Variants in PDSS2 observed in about 807,000 individuals in gnomAD.
PDSS2 encodes the protein decaprenyl diphosphate synthase subunit 2.
Under a neutral mutation model 44.5 loss-of-function variants are expected in PDSS2, and 31 were observed. The ratio of observed to expected loss-of-function variants is 0.70; its 90% CI spans 0.52 to 0.94. The LOEUF (loss-of-function observed/expected upper bound fraction) is 0.94. Ranked by LOEUF, PDSS2 falls within the 40% of genes least tolerant of loss-of-function variation. The pLI, the probability that PDSS2 is intolerant of heterozygous loss-of-function variation, is 0.00. For synonymous variants in PDSS2, 157 were observed against 180.3 expected (o/e 0.87, Z 1.03); for missense variants, 452 against 482.2 (o/e 0.94, Z 0.59).
intron 1 of PDSS2, among the ~76,000 whole-genome samples, chr6:107,365,235 A>G (rs1778927530): frequency 6.6e-6 from 1 of 152,190 alleles, no homozygotes; most frequent in South Asian, 2.1e-4. Flanking sequence ...AACACAAATG[A>G]AAAATAGAGA....
At chr6:107,358,241 C>G (rs910119750) in intron 1 of PDSS2, among the ~76,000 whole-genome samples, 5 of 152,046 alleles carry the variant, frequency 3.3e-5, no homozygotes, top group African/African-American at 1.2e-4. Flanking sequence ...GTCACATTCC[C>G]AAGATATCTC....
At chr6:107,402,212 A>G (rs1316168331) in intron 1 of PDSS2, among the ~76,000 whole-genome samples, 1 of 151,510 alleles carries the variant, frequency 6.6e-6, no homozygotes, top group African/African-American at 2.4e-5. Context: ...CTCAGGAGGC[A>G]GAGGTTGCAG....
At chr6:107,298,451 T>C (rs1776582828) in intron 2 of PDSS2, among the ~76,000 whole-genome samples, 1 of 152,190 alleles carries the variant, frequency 6.6e-6, no homozygotes, top group African/African-American at 2.4e-5. Flanking sequence ...AGTGGTTATA[T>C]GCAAATATAA....
chr6:107,416,805 A>G (rs1284985535), intron 1 of PDSS2, among the ~76,000 whole-genome samples: 1 of 152,240 alleles, frequency 6.6e-6, no homozygotes, highest in Non-Finnish European at 1.5e-5. Context: ...CTAAACCATT[A>G]AAGAAATAAA....
At position 107,444,661 on chromosome 6, in the gene PDSS2, G is replaced by A. The variant is rs576366579; in HGVS notation, c.296+14329C>T. Among the ~76,000 whole-genome samples, 6 of 152,260 alleles carry A rather than the reference G, an allele frequency of 3.9e-5. No individual in the cohort carries two copies. In the East Asian group the frequency reaches 1.2e-3, roughly 29 times the overall value. On this transcript the variant is annotated intron_variant, in intron 1 of 7. Transcript: ENST00000369037. ...GTCAGTAATTACAGAACTGAATCTAGAAAGGGTCTTTCATAAACATGGAAG... is the reference window on the plus strand; with the variant it reads ...GTCAGTAATTACAGAACTGAATCTAAAAAGGGTCTTTCATAAACATGGAAG...
chr6:107,172,102 C>T (rs1554248743), intron 7 of PDSS2, among the ~76,000 whole-genome samples: 12 of 152,092 alleles, frequency 7.9e-5, no homozygotes, highest in Non-Finnish European at 1.8e-4. Context: ...TCCAAATCCC[C>T]TGCTAGGGGA....
chr6:107,422,086 T>G (rs991511164), intron 1 of PDSS2, among the ~76,000 whole-genome samples: 4 of 109,186 alleles, frequency 3.7e-5, no homozygotes, highest in African/African-American at 1.4e-4. Flanking sequence ...ATTTTAAAAG[T>G]AAAAAAAAAA....
At chr6:107,317,951 C>T (rs567598972) in intron 2 of PDSS2, among the ~76,000 whole-genome samples, 1 of 152,198 alleles carries the variant, frequency 6.6e-6, no homozygotes, top group African/African-American at 2.4e-5. Context: ...TCCCCCTCCC[C>T]CCAGATAAAG....
intron 1 of PDSS2, among the ~76,000 whole-genome samples, chr6:107,425,284 C>T (rs974771879): frequency 6.6e-6 from 1 of 151,870 alleles, no homozygotes; most frequent in Non-Finnish European, 1.5e-5. Flanking sequence ...AACTTTGGAA[C>T]TGGGTAACAG....
intron 1 of PDSS2, among the ~76,000 whole-genome samples, chr6:107,365,846 T>C (rs1284126363): frequency 1.3e-5 from 2 of 152,062 alleles, no homozygotes; most frequent in African/African-American, 2.4e-5. Context: ...CATAAAGATA[T>C]AAAAGTTTTA....
chr6:107,170,618 CCACT>C (rs1301880893), intron 7 of PDSS2, among the ~76,000 whole-genome samples: 7 of 108,462 alleles, frequency 6.5e-5, no homozygotes, highest in African/African-American at 3.7e-4. Flanking sequence ...CCCCCCCCCC[CCACT>C]TTTTTTTTTC....
At chr6:107,375,564 T>A (rs2114419634) in intron 1 of PDSS2, among the ~76,000 whole-genome samples, 1 of 152,364 alleles carries the variant, frequency 6.6e-6, no homozygotes, top group Non-Finnish European at 1.5e-5. Context: ...TCAGCCCAGA[T>A]GTCTTCACTG....
intron 4 of PDSS2, among the ~76,000 whole-genome samples, chr6:107,234,641 A>G (rs1774167245): frequency 6.6e-6 from 1 of 151,968 alleles, no homozygotes; most frequent in Admixed American, 6.6e-5. Context: ...GCACCTCAAC[A>G]TTAATTCAAC....
At chr6:107,439,065 A>C (rs570505888) in intron 1 of PDSS2, among the ~76,000 whole-genome samples, 17 of 152,316 alleles carry the variant, frequency 1.1e-4, no homozygotes, top group Admixed American at 3.9e-4. Flanking sequence ...TTTATAAAGG[A>C]ATAGTGAAAT....
intron 3 of PDSS2, among the ~76,000 whole-genome samples, chr6:107,270,063 C>T (rs1314232785): frequency 6.6e-6 from 1 of 152,092 alleles, no homozygotes; most frequent in Non-Finnish European, 1.5e-5. Context: ...TGATCAACGA[C>T]AGACAACAAA....
At chr6:107,251,569 C>G (rs1183164684) in intron 3 of PDSS2, among the ~76,000 whole-genome samples, 1 of 152,178 alleles carries the variant, frequency 6.6e-6, no homozygotes, top group Non-Finnish European at 1.5e-5. Context: ...TTTCCTCCAC[C>G]CCCAGGAACA....
chr6:107,442,360 T>A (rs975150167), intron 1 of PDSS2, among the ~76,000 whole-genome samples: 1 of 152,168 alleles, frequency 6.6e-6, no homozygotes, highest in African/African-American at 2.4e-5. Context: ...GAGGTCGCAC[T>A]GAGCTGAGAT....
At chr6:107,299,780 C>T (rs1776634348) in intron 2 of PDSS2, among the ~76,000 whole-genome samples, 1 of 152,188 alleles carries the variant, frequency 6.6e-6, no homozygotes, top group Non-Finnish European at 1.5e-5. Context: ...CAAGCAAATA[C>T]TCATTATTGG....
At chr6:107,258,401 G>C (rs1775097133) in intron 3 of PDSS2, among the ~76,000 whole-genome samples, 1 of 150,024 alleles carries the variant, frequency 6.7e-6, no homozygotes, top group Admixed American at 6.7e-5. Flanking sequence ...TGGAACCATA[G>C]AATATTGGAA....
Sources: allele counts gnomAD v4.1 joint callset (sites outside exome capture counted in the v4.1 genomes callset), GRCh38; gene constraint gnomAD v4.1.1; transcripts MANE v1.5; gene names NCBI Gene and HGNC (gene_info 2026-07-23, HGNC 2026-07-21).